Variants in TCF12 observed in about 807,000 individuals in gnomAD.
TCF12 encodes the protein DNA-binding protein HTF4.
A neutral mutation model predicts 86.0 loss-of-function variants in TCF12; 45 were observed. The ratio of observed to expected loss-of-function variants is 0.52; its 90% CI spans 0.41 to 0.67. TCF12 has a LOEUF of 0.67. Ranked by LOEUF, TCF12 falls within the 30% of genes least tolerant of loss-of-function variation. TCF12 has a pLI of 0.00. For synonymous variants in TCF12, 330 were observed against 299.6 expected, an observed-to-expected ratio of 1.10 and a Z score of -1.05; for missense variants, 881 against 859.9, an observed-to-expected ratio of 1.02 and a Z score of -0.31.
At position 57,136,128 on chromosome 15, in the gene TCF12, T is replaced by A. The variant is rs551228950; in HGVS notation, c.326-30274T>A. The stretch of plus-strand genomic sequence containing the variant: ...TAAAATCATTGATCTATACTATTGA[T>A]CTGCAGTATCCTTGATACATTAGGT... On this transcript the variant is annotated intron_variant, in intron 5 of 20. Coordinates refer to ENST00000333725, the MANE Select transcript of TCF12 (RefSeq NM_207037.2). Among the ~76,000 whole-genome samples, 3 of 152,378 alleles carry A rather than the reference T, an allele frequency of 2.0e-5. No individual in the cohort carries two copies. The East Asian group carries it at 5.8e-4, about 29-fold the overall frequency.
chr15:57,063,819 C>G lies in TCF12; in HGVS notation c.218C>G (p.Ser73Cys), dbSNP rs746120476. 9 of 1,589,318 alleles carry G rather than the reference C, an allele frequency of 5.7e-6. 1 individual carries two copies. The highest frequency in any genetic ancestry group is 4.5e-5 in the East Asian group (2 of 44,536). The change falls in exon 4 of 21, where the codon TCT becomes TGT. Residue 73 changes from serine to cysteine, a missense_variant. Ser to Cys is a moderately radical substitution (Grantham distance 112). Coordinates refer to ENST00000333725, the MANE Select transcript of TCF12 (RefSeq NM_207037.2). ...CAACCAAGTCCTTCCTATGATTCAT[C>G]TAGAGTAAGTTTGCTGATCAACCCT... The part of the protein sequence containing the change: ...SGQPSPSYDS[S>C]RGFTDSPHYS...
At chr15:56,940,499 C>CTT (rs1567136103) in intron 3 of TCF12, among the ~76,000 whole-genome samples, 15 of 148,966 alleles carry the variant, frequency 1.0e-4, no homozygotes, top group South Asian at 2.1e-4. Flanking sequence ...TCCTCCTCCT[C>CTT]CTTCTTCTTC....
At chr15:57,021,358 C>T (rs149865151) in intron 3 of TCF12, among the ~76,000 whole-genome samples, 2 of 152,228 alleles carry the variant, frequency 1.3e-5, no homozygotes, top group East Asian at 3.9e-4. Flanking sequence ...AGTGATGGGA[C>T]AGAAAACATT....
intron 5 of TCF12, among the ~76,000 whole-genome samples, chr15:57,117,869 A>AT (rs2050950796): frequency 6.6e-6 from 1 of 152,198 alleles, no homozygotes; most frequent in Admixed American, 6.5e-5. Context: ...GATATTTTAT[A>AT]AAAATTGTTT....
chr15:56,929,293 G>A (rs2060144942), intron 3 of TCF12, among the ~76,000 whole-genome samples: 1 of 152,004 alleles, frequency 6.6e-6, no homozygotes, highest in South Asian at 2.1e-4. Context: ...CTGTAAAAAG[G>A]GATCATTACA....
chr15:57,232,639 T>TA (rs2059190071), intron 10 of TCF12, 73 bp from the exon 11 acceptor site: 9 of 1,515,106 alleles, frequency 5.9e-6, no homozygotes, highest in East Asian at 4.9e-5. Context: ...TTTGACCTGT[T>TA]ATCATAGTTG....
At position 57,008,726 on chromosome 15, in the gene TCF12, C is replaced by T. The variant is rs371870146; in HGVS notation, c.149-55024C>T. On this transcript the variant is annotated intron_variant, in intron 3 of 20. Coordinates refer to ENST00000333725, the MANE Select transcript of TCF12 (RefSeq NM_207037.2). ...CAGTCATTTCCATTCAAACATCCCA[C>T]AGCTGTAGTGTCTAGCCATGTCCAT... Among the ~76,000 whole-genome samples the T allele has an allele frequency of 4.7e-4, 72 of 152,314 alleles. 1 individual carries two copies. Among genetic ancestry groups the T allele is most frequent in the African/African-American group, 1.6e-3 (67 of 41,566 alleles).
chr15:57,114,342 G>T (rs573581039), intron 5 of TCF12, among the ~76,000 whole-genome samples: 1 of 152,198 alleles, frequency 6.6e-6, no homozygotes, highest in African/African-American at 2.4e-5. Flanking sequence ...GCAGGCTGGA[G>T]TGCAGTGGCA....
chr15:57,117,882 A>G (rs1325250448), intron 5 of TCF12, among the ~76,000 whole-genome samples: 1 of 152,100 alleles, frequency 6.6e-6, no homozygotes, highest in Non-Finnish European at 1.5e-5. Flanking sequence ...AATTGTTTTT[A>G]TTTTGTGAAG....
intron 6 of TCF12, among the ~76,000 whole-genome samples, chr15:57,168,376 C>A (rs527889799): frequency 1.1e-4 from 16 of 152,252 alleles, no homozygotes; most frequent in African/African-American, 3.9e-4. Context: ...AACATCTAGC[C>A]CCCATTAAGG....
chr15:57,075,804 T>TTCTTTCTCTCTC lies in TCF12; in HGVS notation c.222+11984_222+11985insTTCTCTCTCTCT, dbSNP rs1461514777. 9.6e-3 allele frequency among the ~76,000 whole-genome samples: 275 copies of TTCTTTCTCTCTC among 28,568 alleles called. 5 individuals carry two copies. The highest frequency in any genetic ancestry group is 0.012 in the Non-Finnish European group (194 of 15,548). The allele number at this position is 28,568 out of a possible 152,430, so 18.7% of individuals were successfully genotyped here. On this transcript the variant is annotated intron_variant, in intron 4 of 20. Coordinates refer to ENST00000333725, the MANE Select transcript of TCF12 (RefSeq NM_207037.2). ...TTTCTTTCTTTCTTTCTTTCTTTCTTTCTCTCTCTCTCTCTCTCTCTCTCT... is the reference window on the plus strand; with the variant it reads ...TTTCTTTCTTTCTTTCTTTCTTTCTTTCTTTCTCTCTCTCTCTCTCTCTCTCTCTCTCTCTCT...
chr15:57,271,403 G>A (rs1337704431), intron 18 of TCF12, among the ~76,000 whole-genome samples: 1 of 152,246 alleles, frequency 6.6e-6, no homozygotes, highest in Non-Finnish European at 1.5e-5. Flanking sequence ...GCCAGGCACG[G>A]GAGGGAATCT....
chr15:57,242,803 T>C (rs1351009488), intron 12 of TCF12, among the ~76,000 whole-genome samples: 1 of 152,220 alleles, frequency 6.6e-6, no homozygotes, highest in African/African-American at 2.4e-5. Flanking sequence ...CATCCGATAA[T>C]TTATCCTTTT....
intron 4 of TCF12, among the ~76,000 whole-genome samples, chr15:57,078,308 C>T (rs890159653): frequency 6.6e-6 from 1 of 152,014 alleles, no homozygotes. Context: ...CTGGTTTGTA[C>T]CTCATTTAAA....
intron 3 of TCF12, among the ~76,000 whole-genome samples, chr15:56,935,663 TATC>T (rs879779406): frequency 8.5e-5 from 13 of 152,218 alleles, no homozygotes; most frequent in Middle Eastern, 3.4e-3. Flanking sequence ...AAGTCCAAGG[TATC>T]ATTCTTATAC....
At chr15:57,215,592 C>A (rs1166556848) in intron 8 of TCF12, among the ~76,000 whole-genome samples, 1 of 152,098 alleles carries the variant, frequency 6.6e-6, no homozygotes, top group Non-Finnish European at 1.5e-5. Context: ...ACTTTTCCAG[C>A]CAGATCTTCT....
intron 6 of TCF12, among the ~76,000 whole-genome samples, chr15:57,170,673 A>T (rs1567557783): frequency 1.7e-4 from 1 of 5,862 alleles, no homozygotes; most frequent in Non-Finnish European, 3.0e-4. Flanking sequence ...ATATATATAT[A>T]TAATATATTA....
chr15:56,936,912 C>T (rs576588768), intron 3 of TCF12, among the ~76,000 whole-genome samples: 5 of 152,258 alleles, frequency 3.3e-5, no homozygotes, highest in Admixed American at 2.0e-4. Flanking sequence ...TAATGTGATG[C>T]CAGATTTGAT....
In TCF12 at chr15:56,951,454, C is replaced by T. The variant is rs377084514; in HGVS notation, c.148+30356C>T. Among the ~76,000 whole-genome samples the T allele has an allele frequency of 2.8e-4, 42 of 152,064 alleles. 1 individual carries two copies. In the South Asian group the frequency reaches 6.8e-3, roughly 25 times the overall value. On this transcript the variant is annotated intron_variant, in intron 3 of 20. Transcript: ENST00000333725. ...ATGTATTCTGGGTACAAGTCCTTTA[C>T]GAGATACATGGTTTACAGATATTTT...
Sources: allele counts gnomAD v4.1 joint callset (sites outside exome capture counted in the v4.1 genomes callset), GRCh38; gene constraint gnomAD v4.1.1; transcripts MANE v1.5; gene names NCBI Gene and HGNC (gene_info 2026-07-23, HGNC 2026-07-21).